Variants in PRORP observed in about 807,000 individuals in gnomAD.
PRORP encodes the protein mitochondrial ribonuclease P catalytic subunit.
A neutral mutation model predicts 59.4 loss-of-function variants in PRORP; 51 were observed. The ratio of observed to expected loss-of-function variants is 0.86; its 90% CI spans 0.69 to 1.08. The LOEUF (loss-of-function observed/expected upper bound fraction) is 1.08, where lower values mean the gene tolerates loss of function less well. Among genes scored for constraint, PRORP ranks in the 50% least tolerant of loss-of-function variants. PRORP has a pLI of 0.00. For missense variants in PRORP, 646 were observed against 690.3 expected (o/e 0.94, Z 0.72); for synonymous variants, 231 against 245.6 (o/e 0.94, Z 0.55).
intron 5 of PRORP, among the ~76,000 whole-genome samples, chr14:35,227,177 C>T (rs1012339407): frequency 6.6e-6 from 1 of 151,884 alleles, no homozygotes; most frequent in African/African-American, 2.4e-5. Context: ...GGCGCGGTGG[C>T]TCATGCCTGT....
chr14:35,273,702 T>A lies in PRORP; in HGVS notation c.*136T>A. Reference sequence around the variant, plus strand: ...ATTCTATTAACAGCATTGACATTGATTTTTTAATGAAATGAGATATATCTT... The same window carrying A: ...ATTCTATTAACAGCATTGACATTGAATTTTTAATGAAATGAGATATATCTT... On this transcript the variant is annotated 3_prime_UTR_variant, in exon 8 of 8. Transcript: ENST00000534898. 1 of 724,644 alleles carries A rather than the reference T, an allele frequency of 1.4e-6. No homozygotes were observed. The highest frequency in any genetic ancestry group is 2.0e-6 in the Non-Finnish European group (1 of 488,092). The allele number at this position is 724,644 out of a possible 1,614,324, so 44.9% of individuals were successfully genotyped here.
intron 5 of PRORP, among the ~76,000 whole-genome samples, chr14:35,230,958 C>T (rs1041374839): frequency 1.3e-5 from 2 of 151,674 alleles, no homozygotes; most frequent in African/African-American, 4.8e-5. Flanking sequence ...CACACACACA[C>T]ACACACACAC....
intron 5 of PRORP, among the ~76,000 whole-genome samples, chr14:35,210,012 C>G (rs1447485580): frequency 6.6e-6 from 1 of 152,062 alleles, no homozygotes; most frequent in Non-Finnish European, 1.5e-5. Flanking sequence ...TTTCTCTTAT[C>G]AAAATAAAAA....
intron 4 of PRORP, among the ~76,000 whole-genome samples, chr14:35,141,969 C>T (rs1446768291): frequency 1.4e-5 from 2 of 145,124 alleles, no homozygotes; most frequent in Admixed American, 1.4e-4. Flanking sequence ...ACCTCTGCCT[C>T]CTGGGTTCAA....
intron 5 of PRORP, among the ~76,000 whole-genome samples, chr14:35,234,655 T>G (rs2050162021): frequency 6.6e-6 from 1 of 151,398 alleles, no homozygotes; most frequent in Non-Finnish European, 1.5e-5. Context: ...AATCCTTTCT[T>G]TCCTCTTTCA....
intron 5 of PRORP, among the ~76,000 whole-genome samples, chr14:35,239,080 G>A (rs1169675685): frequency 2.0e-5 from 3 of 152,200 alleles, no homozygotes; most frequent in Non-Finnish European, 4.4e-5. Context: ...TAGGCCAGGT[G>A]TGGTGGTGGC....
At chr14:35,143,665 G>C (rs1449844588) in intron 4 of PRORP, among the ~76,000 whole-genome samples, 5 of 144,352 alleles carry the variant, frequency 3.5e-5, no homozygotes, top group African/African-American at 1.2e-4. Flanking sequence ...GTTTGTTTTT[G>C]AGACAGAGTT....
chr14:35,203,349 G>A (rs1404700112), intron 5 of PRORP, among the ~76,000 whole-genome samples: 6 of 152,014 alleles, frequency 3.9e-5, no homozygotes, highest in African/African-American at 9.7e-5. Context: ...GCAACATGGC[G>A]AAACCCCATC....
intron 5 of PRORP, chr14:35,262,480 C>A: frequency 2.0e-6 from 1 of 503,666 alleles, no homozygotes; most frequent in South Asian, 2.0e-5. Flanking sequence ...TCTCAGCAAC[C>A]AGACTGTCAA....
chr14:35,238,094 C>G (rs1374505267), intron 5 of PRORP, among the ~76,000 whole-genome samples: 3 of 151,298 alleles, frequency 2.0e-5, no homozygotes, highest in Non-Finnish European at 1.5e-5. Context: ...AAACCAAACA[C>G]TGTATTAAAG....
intron 5 of PRORP, among the ~76,000 whole-genome samples, chr14:35,231,941 A>T (rs1445805938): frequency 6.6e-6 from 1 of 152,232 alleles, no homozygotes; most frequent in African/African-American, 2.4e-5. Context: ...CATACTTGCT[A>T]AAGCACAATA....
chr14:35,169,222 T>C (rs2048256695), intron 4 of PRORP, among the ~76,000 whole-genome samples: 1 of 152,154 alleles, frequency 6.6e-6, no homozygotes, highest in African/African-American at 2.4e-5. Flanking sequence ...TTGTAATTTT[T>C]TTGACCCTTG....
chr14:35,132,718 C>T (rs375452359), intron 4 of PRORP, among the ~76,000 whole-genome samples: 5 of 144,246 alleles, frequency 3.5e-5, no homozygotes, highest in Admixed American at 7.2e-5. Flanking sequence ...ACCCGTGAAG[C>T]GGAGGTTGTA....
chr14:35,273,677 A>C lies in PRORP; in HGVS notation c.*111A>C. ...TTGCCTCTGTCCTGAAGATAAAAGG[A>C]TTCTATTAACAGCATTGACATTGAT... On this transcript the variant is annotated 3_prime_UTR_variant, in exon 8 of 8. Coordinates refer to ENST00000534898, the MANE Select transcript of PRORP (RefSeq NM_014672.4). The C allele has an allele frequency of 1.1e-6, 1 of 951,704 alleles. No individual in the cohort carries two copies. Among genetic ancestry groups the C allele is most frequent in the Non-Finnish European group, 1.5e-6 (1 of 668,104 alleles). 59.0% of individuals were successfully genotyped at this position (951,704 alleles called of 1,614,324 possible).
intron 5 of PRORP, among the ~76,000 whole-genome samples, chr14:35,230,645 C>G (rs2050053910): frequency 6.6e-6 from 1 of 152,126 alleles, no homozygotes. Flanking sequence ...TATGCCTTTT[C>G]AAGTTAGTGA....
intron 5 of PRORP, among the ~76,000 whole-genome samples, chr14:35,232,463 C>T (rs760983278): frequency 3.3e-5 from 5 of 152,170 alleles, no homozygotes; most frequent in African/African-American, 7.2e-5. Flanking sequence ...TCTCCTGCCT[C>T]AACCCATGTA....
chr14:35,137,657 T>C (rs1192025436), intron 4 of PRORP, among the ~76,000 whole-genome samples: 1 of 145,310 alleles, frequency 6.9e-6, no homozygotes, highest in Non-Finnish European at 1.5e-5. Flanking sequence ...TGTGTGATTG[T>C]GTGATTTAAT....
chr14:35,179,020 G>C (rs944199168), intron 4 of PRORP, among the ~76,000 whole-genome samples: 1 of 152,174 alleles, frequency 6.6e-6, no homozygotes, highest in African/African-American at 2.4e-5. Flanking sequence ...GGCTGGATAG[G>C]AAATTCTGGG....
At chr14:35,254,542 G>A (rs992980793) in intron 5 of PRORP, among the ~76,000 whole-genome samples, 3 of 152,114 alleles carry the variant, frequency 2.0e-5, no homozygotes, top group Non-Finnish European at 2.9e-5. Flanking sequence ...ACAGGCATGC[G>A]CCACCACTCG....
Sources: gnomAD v4.1 joint callset for allele counts (sites outside exome capture counted in the v4.1 genomes callset) on GRCh38, gnomAD v4.1.1 for gene constraint, MANE v1.5 for transcripts, NCBI Gene and HGNC (gene_info 2026-07-23, HGNC 2026-07-21) for gene names.